Variants in PTCHD4 observed in about 807,000 individuals in gnomAD.
PTCHD4 encodes patched domain-containing protein 4.
In PTCHD4, 33 loss-of-function variants were observed where a neutral mutation model predicts 58.1. The ratio of observed to expected loss-of-function variants is 0.57; its 90% CI spans 0.43 to 0.76. The LOEUF is 0.76. Ranked by LOEUF, PTCHD4 falls within the 30% of genes least tolerant of loss-of-function variation. PTCHD4 has a pLI of 0.00. For synonymous variants in PTCHD4, 478 were observed against 409.6 expected, an observed-to-expected ratio of 1.17 and a Z score of -2.02; for missense variants, 1,058 against 1,027.1, an observed-to-expected ratio of 1.03 and a Z score of -0.41.
chr6:48,099,848 A>C (rs956420561), intron 1 of PTCHD4, among the ~76,000 whole-genome samples: 1 of 152,202 alleles, frequency 6.6e-6, no homozygotes, highest in Non-Finnish European at 1.5e-5. Context: ...TTTTAGGTGC[A>C]TGTTTACTAT....
At chr6:47,942,356 G>A (rs1485463952) in intron 4 of PTCHD4, among the ~76,000 whole-genome samples, 1 of 152,106 alleles carries the variant, frequency 6.6e-6, no homozygotes, top group Non-Finnish European at 1.5e-5. Context: ...AATTTTCCTT[G>A]CTTATAAAAA....
intron 4 of PTCHD4, among the ~76,000 whole-genome samples, chr6:47,995,791 C>T (rs1768464004): frequency 6.6e-6 from 1 of 152,108 alleles, no homozygotes; most frequent in Admixed American, 6.5e-5. Context: ...ATCATACCTC[C>T]AGGAACACTT....
At position 47,884,231 on chromosome 6, in the gene PTCHD4, C is replaced by T. The variant is rs145283864; in HGVS notation, c.899-4295G>A. Among the ~76,000 whole-genome samples the T allele has an allele frequency of 1.7e-3, 264 of 152,246 alleles. 2 individuals carry two copies. Among genetic ancestry groups the T allele is most frequent in the African/African-American group, 5.9e-3 (246 of 41,560 alleles). On this transcript the variant is annotated intron_variant, in intron 4 of 4. Coordinates refer to ENST00000339488, the MANE Select transcript of PTCHD4 (RefSeq NM_001384253.1). ...AACCAAAAATTAGAATTTAGGATTA[C>T]TCTTGCAACTCTGTCCAGATGCCAA...
chr6:47,941,044 C>T (rs1334975261), intron 4 of PTCHD4, among the ~76,000 whole-genome samples: 1 of 152,148 alleles, frequency 6.6e-6, no homozygotes, highest in Non-Finnish European at 1.5e-5. Flanking sequence ...TGAAACAAAC[C>T]TTCCTTAGCT....
chr6:48,012,436 T>C (rs1471365086), intron 3 of PTCHD4, among the ~76,000 whole-genome samples: 2 of 152,160 alleles, frequency 1.3e-5, no homozygotes, highest in East Asian at 1.9e-4. Context: ...ATCCTGAGAC[T>C]ATGCTGAAGT....
chr6:47,885,668 T>C (rs558457077), intron 4 of PTCHD4, among the ~76,000 whole-genome samples: 33 of 152,356 alleles, frequency 2.2e-4, no homozygotes, highest in African/African-American at 7.7e-4. Flanking sequence ...TAAAGTAAGA[T>C]GGTTCTTCTC....
intron 1 of PTCHD4, among the ~76,000 whole-genome samples, chr6:48,096,851 G>T (rs1202116321): frequency 6.6e-6 from 1 of 151,940 alleles, no homozygotes; most frequent in Non-Finnish European, 1.5e-5. Context: ...AGACAAGTAA[G>T]AATTAATACA....
In PTCHD4 at chr6:47,856,740, A is replaced by C. The variant is rs1386454673; in HGVS notation, c.*21563T>G. 6.6e-6 allele frequency among the ~76,000 whole-genome samples: 1 copy of C among 152,076 alleles called. No individual in the cohort carries two copies. Among genetic ancestry groups the C allele is most frequent in the African/African-American group, 2.4e-5 (1 of 41,422 alleles). ...ATTATAAAAATTACACAAGCTAATA[A>C]ATCTTGGTAAGTTATAGAGAGAATA... On this transcript the variant is annotated 3_prime_UTR_variant, in exon 5 of 5. Coordinates refer to ENST00000339488, the MANE Select transcript of PTCHD4 (RefSeq NM_001384253.1).
chr6:48,025,410 A>C (rs1763209052), intron 3 of PTCHD4, among the ~76,000 whole-genome samples: 1 of 152,162 alleles, frequency 6.6e-6, no homozygotes, highest in Non-Finnish European at 1.5e-5. Context: ...AAAATATAAA[A>C]ATTTGGTCCA....
chr6:47,931,048 G>A (rs1222696823), intron 4 of PTCHD4, among the ~76,000 whole-genome samples: 1 of 152,216 alleles, frequency 6.6e-6, no homozygotes, highest in African/African-American at 2.4e-5. Context: ...GCCTCCCAAA[G>A]TGCTGGGATT....
rs529533869 is a variant in PTCHD4 at position 48,050,011 on chromosome 6, G to A, written c.417+18219C>T. ...TCTACAAAGCCAAGTTGTGTTTTTC[G>A]ATTTCTAGCCTGTTAATGAAAACTA... On this transcript the variant is annotated intron_variant, in intron 3 of 4. Coordinates refer to ENST00000339488, the MANE Select transcript of PTCHD4 (RefSeq NM_001384253.1). 7.2e-5 allele frequency among the ~76,000 whole-genome samples: 11 copies of A among 151,894 alleles called. No individual in the cohort carries two copies. The South Asian group carries it at 1.9e-3, about 26-fold the overall frequency.
At position 47,868,858 on chromosome 6, in the gene PTCHD4, T is replaced by C. The variant is rs1210092229; in HGVS notation, c.*9445A>G. 1.3e-5 allele frequency among the ~76,000 whole-genome samples: 2 copies of C among 151,678 alleles called. No homozygotes were observed. Among genetic ancestry groups the C allele is most frequent in the Non-Finnish European group, 3.0e-5 (2 of 67,766 alleles). On this transcript the variant is annotated 3_prime_UTR_variant, in exon 5 of 5. Transcript: ENST00000339488. ...AAGGAAAAAAGCAGAATAAAATTAA[T>C]AATTAAAATACTAAATTTGGACAGG... is the stretch of plus-strand genomic sequence containing the variant.
chr6:47,886,814 T>C (rs1404500769), intron 4 of PTCHD4, among the ~76,000 whole-genome samples: 1 of 152,206 alleles, frequency 6.6e-6, no homozygotes, highest in Non-Finnish European at 1.5e-5. Flanking sequence ...ACTTAGCATG[T>C]TCTCAAGCAT....
At chr6:47,968,805 T>C (rs1007565004) in intron 4 of PTCHD4, among the ~76,000 whole-genome samples, 3 of 152,302 alleles carry the variant, frequency 2.0e-5, no homozygotes, top group South Asian at 2.1e-4. Context: ...AGGAAAACTT[T>C]ATAATGAAAA....
chr6:48,106,786 A>G (rs1334637987), intron 1 of PTCHD4, among the ~76,000 whole-genome samples: 4 of 152,222 alleles, frequency 2.6e-5, no homozygotes, highest in Non-Finnish European at 5.9e-5. Context: ...AAAAATCACA[A>G]GGATTCTTAT....
At chr6:48,080,744 C>G (rs576777857) in intron 1 of PTCHD4, among the ~76,000 whole-genome samples, 3 of 152,300 alleles carry the variant, frequency 2.0e-5, no homozygotes, top group African/African-American at 7.2e-5. Flanking sequence ...TAACTTCAAT[C>G]TTGAGGCGTG....
At chr6:47,937,254 G>A (rs1219869590) in intron 4 of PTCHD4, among the ~76,000 whole-genome samples, 3 of 152,284 alleles carry the variant, frequency 2.0e-5, no homozygotes, top group African/African-American at 2.4e-5. Context: ...GGGCAAGAGC[G>A]GAAGTAGAGA....
chr6:47,933,299 C>A (rs957006071), intron 4 of PTCHD4, among the ~76,000 whole-genome samples: 1 of 152,196 alleles, frequency 6.6e-6, no homozygotes, highest in African/African-American at 2.4e-5. Context: ...TAAGAGCAAG[C>A]ATGAAAGCAA....
rs1394632527 is a variant in PTCHD4 at position 47,874,509 on chromosome 6, A to C, written c.*3794T>G. On this transcript the variant is annotated 3_prime_UTR_variant, in exon 5 of 5. Coordinates refer to ENST00000339488, the MANE Select transcript of PTCHD4 (RefSeq NM_001384253.1). ...AAAAATACATGTAATTCTGAATGGC[A>C]ATAGTTAATCCTTAGCTCTAACCAC... is the stretch of plus-strand genomic sequence containing the variant. Among the ~76,000 whole-genome samples the C allele has an allele frequency of 6.6e-6, 1 of 151,822 alleles. No individual in the cohort carries two copies. The highest frequency in any genetic ancestry group is 6.6e-5 in the Admixed American group (1 of 15,194).
Sources: gnomAD v4.1 joint callset for allele counts (sites outside exome capture counted in the v4.1 genomes callset) on GRCh38, gnomAD v4.1.1 for gene constraint, MANE v1.5 for transcripts, NCBI Gene and HGNC (gene_info 2026-07-23, HGNC 2026-07-21) for gene names.